The following SEC22A variants were observed in gnomAD, a reference collection of about 807,000 sequenced individuals.
SEC22A encodes the protein SEC22 homolog A, vesicle trafficking protein.
Under a neutral mutation model 35.3 loss-of-function variants are expected in SEC22A, and 22 were observed. The ratio of observed to expected loss-of-function variants is 0.62; its 90% CI spans 0.45 to 0.89. The LOEUF (loss-of-function observed/expected upper bound fraction) is 0.89. Among genes scored for constraint, SEC22A ranks in the 40% least tolerant of loss-of-function variants. The pLI is 0.00. For synonymous variants in SEC22A, 119 were observed against 129.5 expected, an observed-to-expected ratio of 0.92 and a Z score of 0.55; for missense variants, 354 against 362.5, an observed-to-expected ratio of 0.98 and a Z score of 0.19.
rs1382565943 is a variant in SEC22A at position 123,273,401 on chromosome 3, A to AGTAT, written c.*1681_*1684dup. The stretch of plus-strand genomic sequence containing the variant: ...GGCTCCAGTCTTCTCCTCTAACAAA[A>AGTAT]GTATGCATATTCTGAGAGATACCCC... On this transcript the variant is annotated 3_prime_UTR_variant, in exon 7 of 7. Coordinates refer to ENST00000492595, the MANE Select transcript of SEC22A (RefSeq NM_012430.5). The AGTAT allele has an allele frequency of 6.6e-6, 1 of 152,242 alleles. No individual in the cohort carries two copies. The highest frequency in any genetic ancestry group is 1.5e-5 in the Non-Finnish European group (1 of 68,048). The allele number at this position is 152,242 out of a possible 1,614,324, so 9.4% of individuals were successfully genotyped here. A position where few individuals can be genotyped will look rare whatever the true frequency, so the allele number is the denominator to read the frequency against.
chr3:123,251,538 A>C (rs1329961855), intron 5 of SEC22A, among the ~76,000 whole-genome samples: 1 of 152,148 alleles, frequency 6.6e-6, no homozygotes, highest in Non-Finnish European at 1.5e-5. Context: ...GCCATAACCC[A>C]CCTGAAGTAT....
Position 123,209,395 on chromosome 3 carries a change from A to G in SEC22A, c.178A>G (p.Ile60Val), listed in dbSNP as rs756877144. ...RCTLKTGHYN[I>V]NFISSLGVSY... ...TACACTGAAAACTGGACATTATAAC[A>G]TTAAGTAAGACTTCAGTTTGCTTCA... Residue 60 changes from isoleucine to valine, a missense_variant, in exon 2 of 7, where the codon ATT (isoleucine) becomes GTT (valine). Physicochemically the swap from Ile to Val is conservative, Grantham distance 29 (BLOSUM62 3). Coordinates refer to ENST00000492595, the MANE Select transcript of SEC22A (RefSeq NM_012430.5). The G allele has an allele frequency of 5.6e-6, 9 of 1,605,956 alleles. No homozygotes were observed. In the Admixed American group the frequency reaches 1.2e-4, roughly 21 times the overall value.
chr3:123,206,418 C>A (rs1345545162), intron 1 of SEC22A, among the ~76,000 whole-genome samples: 3 of 152,176 alleles, frequency 2.0e-5, no homozygotes. Context: ...CTGCAAGTTA[C>A]AACTCACCCT....
chr3:123,206,150 C>T (rs890006256), intron 1 of SEC22A, among the ~76,000 whole-genome samples: 3 of 152,144 alleles, frequency 2.0e-5, no homozygotes, highest in Non-Finnish European at 2.9e-5. Flanking sequence ...TCTCATCACC[C>T]AGGTTGGACT....
chr3:123,264,242 T>G (rs1937969656), intron 6 of SEC22A, among the ~76,000 whole-genome samples: 1 of 152,366 alleles, frequency 6.6e-6, no homozygotes, highest in Admixed American at 6.5e-5. Context: ...ATGAGTTGTT[T>G]TAAAATGTTG....
At chr3:123,270,317 C>G (rs1044415957) in intron 6 of SEC22A, among the ~76,000 whole-genome samples, 1 of 152,154 alleles carries the variant, frequency 6.6e-6, no homozygotes, top group Admixed American at 6.6e-5. Context: ...GCTTGGATAG[C>G]AGTCTTCTTT....
chr3:123,248,578 AAAG>A (rs1435171809), intron 5 of SEC22A, among the ~76,000 whole-genome samples: 3 of 152,222 alleles, frequency 2.0e-5, no homozygotes, highest in Non-Finnish European at 2.9e-5. Context: ...CAAATAAATC[AAAG>A]AAGATCTAAA....
At chr3:123,206,182 A>G (rs559866020) in intron 1 of SEC22A, among the ~76,000 whole-genome samples, 1 of 152,096 alleles carries the variant, frequency 6.6e-6, no homozygotes, top group African/African-American at 2.4e-5. Context: ...ATCATAGCTC[A>G]CCATTGCCTT....
rs116694701 is a variant in SEC22A, at chr3:123,252,071, G to A, written c.657+6057G>A. On this transcript the variant is annotated intron_variant, in intron 5 of 6. Coordinates refer to ENST00000492595, the MANE Select transcript of SEC22A (RefSeq NM_012430.5). ...GATTTTCCGAGTACATCCTTAGCCC[G>A]ACTTAACCTGAAAGAAAATACATAC... Among the ~76,000 whole-genome samples, 407 of 152,268 alleles carry A rather than the reference G, an allele frequency of 2.7e-3. 4 individuals are homozygous for A. The highest frequency in any genetic ancestry group is 9.0e-3 in the African/African-American group (374 of 41,568).
chr3:123,252,894 A>C (rs1255592052), intron 5 of SEC22A, among the ~76,000 whole-genome samples: 3 of 152,208 alleles, frequency 2.0e-5, no homozygotes, highest in Non-Finnish European at 1.5e-5. Context: ...TTTGGAGTCC[A>C]CAGTAATATA....
chr3:123,238,564 G>A (rs1038474373), intron 4 of SEC22A, among the ~76,000 whole-genome samples: 5 of 151,790 alleles, frequency 3.3e-5, no homozygotes. Flanking sequence ...TATTTTCTAT[G>A]GTCCCCAAGT....
intron 5 of SEC22A, among the ~76,000 whole-genome samples, chr3:123,247,030 G>A (rs927827256): frequency 2.6e-5 from 4 of 152,134 alleles, no homozygotes; most frequent in Non-Finnish European, 4.4e-5. Flanking sequence ...TTTGCCCTCA[G>A]GTTAAAGCTC....
chr3:123,263,249 T>C (rs1400379878), intron 6 of SEC22A, among the ~76,000 whole-genome samples: 1 of 152,252 alleles, frequency 6.6e-6, no homozygotes, highest in Non-Finnish European at 1.5e-5. Flanking sequence ...CTCACAGTTC[T>C]GGAATCTGGA....
intron 2 of SEC22A, among the ~76,000 whole-genome samples, chr3:123,211,220 C>A (rs749771427): frequency 1.3e-5 from 2 of 151,920 alleles, no homozygotes; most frequent in Non-Finnish European, 2.9e-5. Context: ...AATTAGAACA[C>A]CAAAAGAACT....
intron 6 of SEC22A, among the ~76,000 whole-genome samples, chr3:123,267,956 A>G (rs920542177): frequency 1.3e-5 from 2 of 152,172 alleles, no homozygotes. Context: ...GAAATGAATT[A>G]TCTTGTTACT....
At chr3:123,229,878 T>A (rs983804114) in intron 4 of SEC22A, among the ~76,000 whole-genome samples, 18 of 147,482 alleles carry the variant, frequency 1.2e-4, no homozygotes, top group African/African-American at 4.3e-4. Flanking sequence ...AAAAAATAAA[T>A]AATAATAATA....
chr3:123,219,829 G>A (rs776986475), intron 2 of SEC22A, among the ~76,000 whole-genome samples: 2 of 152,188 alleles, frequency 1.3e-5, no homozygotes, highest in Non-Finnish European at 2.9e-5. Flanking sequence ...GTAGTCCTCA[G>A]TGAAGTGGTG....
intron 5 of SEC22A, among the ~76,000 whole-genome samples, chr3:123,247,041 G>A (rs943951847): frequency 1.2e-4 from 19 of 152,234 alleles, no homozygotes; most frequent in South Asian, 2.1e-4. Context: ...GTTAAAGCTC[G>A]TCTCCCCTTT....
rs964508124 is a variant in SEC22A at position 123,258,722 on chromosome 3, T to G, written c.658-802T>G. ...GGAAATTATCATTGTATAAAGAGGT[T>G]TTTTTTTTCTCTCTAATATAAGAAA... On this transcript the variant is annotated intron_variant, in intron 5 of 6. Coordinates refer to ENST00000492595, the MANE Select transcript of SEC22A (RefSeq NM_012430.5). 2.6e-5 allele frequency among the ~76,000 whole-genome samples: 4 copies of G among 151,608 alleles called. No individual in the cohort carries two copies. The East Asian group carries it at 7.7e-4, about 29-fold the overall frequency.
Sources: allele counts gnomAD v4.1 joint callset (sites outside exome capture counted in the v4.1 genomes callset), GRCh38; gene constraint gnomAD v4.1.1; transcripts MANE v1.5; gene names NCBI Gene and HGNC (gene_info 2026-07-23, HGNC 2026-07-21).